The following EMC10 variants were observed in gnomAD, a reference collection of about 807,000 sequenced individuals.
EMC10 encodes UPF0510 protein INM02.
EMC10 carries 40 observed loss-of-function variants against 32.2 expected under a neutral mutation model. That is an observed-to-expected ratio of 1.24 (90% CI 0.96 to 1.61). The LOEUF (loss-of-function observed/expected upper bound fraction) is 1.61, where lower values mean the gene tolerates loss of function less well. Ranked by LOEUF, EMC10 falls within the 40% of genes most tolerant of loss-of-function variation. The pLI is 0.00. For missense variants in EMC10, 402 were observed against 357.7 expected (o/e 1.12, Z -1.00); for synonymous variants, 178 against 158.4 (o/e 1.12, Z -0.93).
At chr19:50,476,724 G>C (rs1336577732) in intron 1 of EMC10, 66 bp downstream of exon 1, 12 of 1,027,030 alleles carry the variant, frequency 1.2e-5, no homozygotes. Flanking sequence ...GGGTCTTTAG[G>C]TGAGTTACAG....
At chr19:50,478,934 C>A (rs1420104489) in intron 2 of EMC10, 23 bp from the exon 3 acceptor site, 21 of 1,572,610 alleles carry the variant, frequency 1.3e-5, no homozygotes, top group Non-Finnish European at 1.7e-5. Context: ...GAGGGGGCGT[C>A]TCTGAACCTG....
chr19:50,480,278 T>G lies in EMC10; in HGVS notation c.402+63T>G. 1 of 1,482,020 alleles carries G rather than the reference T, an allele frequency of 6.7e-7. No homozygotes were observed. The highest frequency in any genetic ancestry group is 1.4e-5 in the African/African-American group (1 of 72,882). 91.8% of individuals were successfully genotyped at this position (1,482,020 alleles called of 1,614,324 possible). A position where few individuals can be genotyped will look rare whatever the true frequency, so the allele number is the denominator to read the frequency against. On this transcript the variant is annotated intron_variant, in intron 4 of 6. Transcript: ENST00000334976. The surrounding 1 kb of genome is among the most constrained non-coding windows in gnomAD (Gnocchi z 4.4). Reference sequence around the variant, plus strand: ...TCCTCCTCATCCCCTACCCTGGTCCTGCTTCCACCATTCGAACCCCTGTGT... The same window carrying G: ...TCCTCCTCATCCCCTACCCTGGTCCGGCTTCCACCATTCGAACCCCTGTGT...
rs2040368608 is a variant in EMC10 at position 50,484,517 on chromosome 19, T to TG, written c.*2258_*2259insG. 6.6e-6 allele frequency: 1 copy of TG among 152,192 alleles called. No individual in the cohort carries two copies. The highest frequency in any genetic ancestry group is 1.5e-5 in the Non-Finnish European group (1 of 68,062). 9.4% of individuals were successfully genotyped at this position (152,192 alleles called of 1,614,324 possible). On this transcript the variant is annotated 3_prime_UTR_variant, in exon 7 of 7. Coordinates refer to ENST00000334976, the MANE Select transcript of EMC10 (RefSeq NM_206538.4). ...CTTTCAGGCTGGCAGGGTTACTCTGTTGGGTATTCCAGGAAATGCCTGAGC... is the reference window on the plus strand; with the variant it reads ...CTTTCAGGCTGGCAGGGTTACTCTGTGTGGGTATTCCAGGAAATGCCTGAGC...
In EMC10 at chr19:50,487,094, C is replaced by G. The variant is rs1013195036; in HGVS notation, c.*4835C>G. 6.6e-6 allele frequency: 1 copy of G among 152,092 alleles called. No homozygotes were observed. The highest frequency in any genetic ancestry group is 2.4e-5 in the African/African-American group (1 of 41,412). The allele number at this position is 152,092 out of a possible 1,614,324, so 9.4% of individuals were successfully genotyped here. On this transcript the variant is annotated 3_prime_UTR_variant, in exon 7 of 7. Coordinates refer to ENST00000334976, the MANE Select transcript of EMC10 (RefSeq NM_206538.4). ...ATGGAGGGAAGTGTCCTGCAGGGGG[C>G]GCTGTTGGTCCTTCAGGCAAGGTCG...
chr19:50,477,738 G>A (rs2040250979), intron 1 of EMC10, among the ~76,000 whole-genome samples, 191 bp from the exon 2 acceptor site: 1 of 152,218 alleles, frequency 6.6e-6, no homozygotes, highest in Non-Finnish European at 1.5e-5. Context: ...TTTTCTGGGG[G>A]TGAGGGAGTG....
chr19:50,487,128 C>G lies in EMC10; in HGVS notation c.*4869C>G, dbSNP rs1004345390. 6.6e-6 allele frequency: 1 copy of G among 152,160 alleles called. No individual in the cohort carries two copies. Among genetic ancestry groups the G allele is most frequent in the African/African-American group, 2.4e-5 (1 of 41,428 alleles). 9.4% of individuals were successfully genotyped at this position (152,160 alleles called of 1,614,324 possible). A position where few individuals can be genotyped will look rare whatever the true frequency, so the allele number is the denominator to read the frequency against. On this transcript the variant is annotated 3_prime_UTR_variant, in exon 7 of 7. Coordinates refer to ENST00000334976, the MANE Select transcript of EMC10 (RefSeq NM_206538.4). ...TCCTTCAGGCAAGGTCGGGTTCCCTCGAAGTCTCTGTCTTAGCAGTTGCTG... is the reference window on the plus strand; with the variant it reads ...TCCTTCAGGCAAGGTCGGGTTCCCTGGAAGTCTCTGTCTTAGCAGTTGCTG...
intron 6 of EMC10, 111 bp from the exon 7 acceptor site, chr19:50,482,038 C>G: frequency 6.6e-7 from 1 of 1,513,674 alleles, no homozygotes; most frequent in Non-Finnish European, 9.2e-7. Flanking sequence ...TCCCCTTACG[C>G]GACCTCCCCT....
At chr19:50,481,512 C>T (rs913522999) in intron 6 of EMC10, 3 of 303,870 alleles carry the variant, frequency 9.9e-6, no homozygotes, top group African/African-American at 6.6e-5. Context: ...GAGGAGGTGG[C>T]TTCCACCCAG....
chr19:50,483,233 G>C lies in EMC10; in HGVS notation c.*974G>C, dbSNP rs2040351432. 4.8e-6 allele frequency: 2 copies of C among 420,238 alleles called. No individual in the cohort carries two copies. Among genetic ancestry groups the C allele is most frequent in the South Asian group, 1.7e-5 (1 of 58,840 alleles). 26.0% of individuals were successfully genotyped at this position (420,238 alleles called of 1,614,324 possible). Reference sequence around the variant, plus strand: ...TGTACAAGCTTGATTGAAATTCACTGCTCACTTGATACGTTATTCAGAAAC... The same window carrying C: ...TGTACAAGCTTGATTGAAATTCACTCCTCACTTGATACGTTATTCAGAAAC... On this transcript the variant is annotated 3_prime_UTR_variant, in exon 7 of 7. Transcript: ENST00000334976.
intron 6 of EMC10, 168 bp downstream of exon 6, chr19:50,481,145 G>T: frequency 1.7e-6 from 1 of 605,634 alleles, no homozygotes; most frequent in Non-Finnish European, 2.9e-6. Context: ...TGCAGGAAGA[G>T]GGTATGGAAG....
chr19:50,482,225 G>C lies in EMC10; in HGVS notation c.755G>C (p.Gly252Ala). 1 of 1,054,990 alleles carries C rather than the reference G, an allele frequency of 9.5e-7. No homozygotes were observed. The highest frequency in any genetic ancestry group is 1.4e-6 in the Non-Finnish European group (1 of 713,230). 65.4% of individuals were successfully genotyped at this position (1,054,990 alleles called of 1,614,324 possible). A position where few individuals can be genotyped will look rare whatever the true frequency, so the allele number is the denominator to read the frequency against. ...APDTGGQGGGGGGGGGGGSGR is the reference protein window; with the variant it reads ...APDTGGQGGGAGGGGGGGSGR ...GACACCGGGGGCCAGGGTGGGGGTG[G>C]GGGTGGGGGTGGTGGTGGGGGTAGT... Residue 252 changes from glycine to alanine, a missense_variant, in exon 7 of 7, where the codon GGG becomes GCG. Coordinates refer to ENST00000334976, the MANE Select transcript of EMC10 (RefSeq NM_206538.4).
At chr19:50,479,639 T>C (rs2040286031) in intron 3 of EMC10, among the ~76,000 whole-genome samples, 1 of 152,188 alleles carries the variant, frequency 6.6e-6, no homozygotes. Context: ...CAGATGTAGC[T>C]GTGAGGGAGG....
Position 50,485,761 on chromosome 19 carries a change from C to T in EMC10, c.*3502C>T, listed in dbSNP as rs1051873002. 6.6e-6 allele frequency: 1 copy of T among 152,126 alleles called. No homozygotes were observed. Among genetic ancestry groups the T allele is most frequent in the Non-Finnish European group, 1.5e-5 (1 of 68,460 alleles). The allele number at this position is 152,126 out of a possible 1,614,324, so 9.4% of individuals were successfully genotyped here. ...CACTAGAGCTGACCTCACTACTCCC[C>T]TGCTCACAGCCCTCCGCGTGGCCTC... On this transcript the variant is annotated 3_prime_UTR_variant, in exon 7 of 7. Transcript: ENST00000334976.
chr19:50,480,776 G>T lies in EMC10; in HGVS notation c.584+14G>T. 1 of 1,573,810 alleles carries T rather than the reference G, an allele frequency of 6.4e-7. No individual in the cohort carries two copies. The highest frequency in any genetic ancestry group is 1.2e-5 in the South Asian group (1 of 84,872). On this transcript the variant is annotated intron_variant, in intron 5 of 6. Coordinates refer to ENST00000334976, the MANE Select transcript of EMC10 (RefSeq NM_206538.4). The surrounding 1 kb of genome is among the most constrained non-coding windows in gnomAD (Gnocchi z 4.4). ...CACAGCCCCAGGGTGAGCCTCTGCT[G>T]CCTTCGCGGCGCTCTTGCCACCTGC...
intron 6 of EMC10, chr19:50,481,475 G>A (rs984006778): frequency 2.7e-5 from 7 of 259,318 alleles, no homozygotes; most frequent in African/African-American, 6.8e-5. Flanking sequence ...AGGCTGAGGC[G>A]TGGGGTGGGG....
chr19:50,478,982 G>T lies in EMC10; in HGVS notation c.213G>T (p.Arg71=). 1 of 1,610,778 alleles carries T rather than the reference G, an allele frequency of 6.2e-7. No homozygotes were observed. Among genetic ancestry groups the T allele is most frequent in the East Asian group, 2.2e-5 (1 of 44,824 alleles). ...EIDDSANFRK[R]GSLLWNQQDG... ...ATGACAGTGCCAACTTCCGGAAGCG[G>T]GGCTCACTGCTCTGGAACCAGCAGG... The change falls in exon 3 of 7, where the codon CGG becomes CGT. Residue 71 remains arginine (R), a synonymous_variant. Transcript: ENST00000334976.
chr19:50,478,989 C>G lies in EMC10; in HGVS notation c.220C>G (p.Leu74Val). ...TGCCAACTTCCGGAAGCGGGGCTCA[C>G]TGCTCTGGAACCAGCAGGATGGTAC... ...DSANFRKRGS[L>V]LWNQQDGTLS... The change falls in exon 3 of 7, where the codon CTG (leucine) becomes GTG (valine). Residue 74 changes from leucine (L) to valine (V), a missense_variant. Coordinates refer to ENST00000334976, the MANE Select transcript of EMC10 (RefSeq NM_206538.4). 6.2e-7 allele frequency: 1 copy of G among 1,611,296 alleles called. No homozygotes were observed. The highest frequency in any genetic ancestry group is 2.2e-5 in the East Asian group (1 of 44,838).
At chr19:50,481,881 G>C (rs1194295651) in intron 6 of EMC10, 13 of 1,590,798 alleles carry the variant, frequency 8.2e-6, no homozygotes, top group Non-Finnish European at 1.1e-5. Flanking sequence ...TCCTGGGGGG[G>C]GCCGTGTTGC....
At chr19:50,478,116 G>C in intron 2 of EMC10, 115 bp downstream of exon 2, 9 of 873,760 alleles carry the variant, frequency 1.0e-5, no homozygotes, top group Non-Finnish European at 1.6e-5. Context: ...TTTACTAACA[G>C]ATTTGCCTCA....
Sources: allele counts gnomAD v4.1 joint callset (sites outside exome capture counted in the v4.1 genomes callset), GRCh38; gene constraint gnomAD v4.1.1; non-coding constraint Gnocchi (gnomAD v3.1); transcripts MANE v1.5; gene names NCBI Gene and HGNC (gene_info 2026-07-23, HGNC 2026-07-21).